Variants in TEDC1 observed in about 807,000 individuals in gnomAD.
The protein encoded by TEDC1 is tubulin epsilon and delta complex protein 1.
A neutral mutation model predicts 59.9 loss-of-function variants in TEDC1; 54 were observed. The ratio of observed to expected loss-of-function variants is 0.90; its 90% confidence interval spans 0.72 to 1.13. TEDC1 has a LOEUF of 1.13. Ranked by LOEUF, TEDC1 falls within the 50% of genes most tolerant of loss-of-function variation. The pLI, the probability that TEDC1 is intolerant of heterozygous loss-of-function variation, is 0.00. For missense variants in TEDC1, 734 were observed against 683.4 expected (o/e 1.07, Z -0.83); for synonymous variants, 353 against 298.1 (o/e 1.18, Z -1.90).
Position 105,491,674 on chromosome 14 carries a change from G to C in TEDC1, c.200G>C (p.Gly67Ala), listed in dbSNP as rs1358694723. 1.1e-5 allele frequency: 17 copies of C among 1,549,458 alleles called. No homozygotes were observed. Among genetic ancestry groups the C allele is most frequent in the Non-Finnish European group, 1.5e-5 (17 of 1,146,868 alleles). Reference protein sequence around the residue: ...LFRVLSPLPAGNALASLALEV... With the variant: ...LFRVLSPLPAANALASLALEV... The stretch of plus-strand genomic sequence containing the variant: ...CGTGTGCTCTCGCCACTCCCTGCGG[G>C]CAACGCCTTGGCATCGCTCGCCCTG... The change falls in exon 2 of 9, where the codon GGC becomes GCC. Residue 67 changes from glycine (G) to alanine (A), a missense_variant. Gly to Ala is a moderately conservative substitution (Grantham distance 60). Coordinates refer to ENST00000392523, the MANE Select transcript of TEDC1 (RefSeq NM_001367178.1).
At chr14:105,494,938 T>G (rs2084311279) in intron 5 of TEDC1, 1 of 152,320 alleles carries the variant, frequency 6.6e-6, no homozygotes, top group Non-Finnish European at 1.5e-5. Flanking sequence ...TGGCACAGTC[T>G]TGGCTCACTG....
chr14:105,490,948 GGGCGGACTCTGC>G, upstream of TEDC1: 10 of 1,306,224 alleles, frequency 7.7e-6, no homozygotes, highest in South Asian at 1.3e-4. Flanking sequence ...GAGCCTGCAA[GGGCGGACTCTGC>G]GGTGTTCTCC....
Position 105,492,103 on chromosome 14 carries a change from C to T in TEDC1, c.227-4C>T, listed in dbSNP as rs587729025. 8 of 1,594,342 alleles carry T rather than the reference C, an allele frequency of 5.0e-6. No individual in the cohort carries two copies. The highest frequency in any genetic ancestry group is 3.4e-5 in the South Asian group (3 of 88,982). ...CCCCCTAAGGTGGTGGTCTTCTGTC[C>T]TAGAGGTCCAAGCCCGCTTGGTGAA... On this transcript the variant is annotated splice_polypyrimidine_tract_variant and splice_region_variant and intron_variant, in intron 2 of 8. Coordinates refer to ENST00000392523, the MANE Select transcript of TEDC1 (RefSeq NM_001367178.1).
rs754779450 is a variant in TEDC1 at position 105,499,012 on chromosome 14, G to C, written c.*66G>C. The C allele has an allele frequency of 7.0e-5, 103 of 1,481,458 alleles. No homozygotes were observed. The highest frequency in any genetic ancestry group is 6.9e-5 in the Non-Finnish European group (77 of 1,109,962). 91.8% of individuals were successfully genotyped at this position (1,481,458 alleles called of 1,614,324 possible). ...CCCAGCCTGGCTGGGTCTTGGAGGAGCAGATTCCAAGGCCAGGTGGCCGCA... is the reference window on the plus strand; with the variant it reads ...CCCAGCCTGGCTGGGTCTTGGAGGACCAGATTCCAAGGCCAGGTGGCCGCA... On this transcript the variant is annotated 3_prime_UTR_variant, in exon 9 of 9. Coordinates refer to ENST00000392523, the MANE Select transcript of TEDC1 (RefSeq NM_001367178.1).
At chr14:105,498,126 G>T (rs1008283986) in intron 8 of TEDC1, 149 bp downstream of exon 8, 26 of 1,026,150 alleles carry the variant, frequency 2.5e-5, no homozygotes, top group Admixed American at 3.3e-5. Flanking sequence ...TGAGGGAGCG[G>T]GAGGGCACCT....
chr14:105,490,783 G>C, upstream of TEDC1: 1 of 545,048 alleles, frequency 1.8e-6, no homozygotes, highest in Non-Finnish European at 3.3e-6. Context: ...CGGCGCGATG[G>C]GGCGAGGCTC....
rs149971054 is a variant in TEDC1, at chr14:105,492,026, C to G, written c.227-81C>G. The G allele has an allele frequency of 1.9e-3, 2,682 of 1,401,518 alleles. 46 individuals are homozygous for G. The African/African-American group carries it at 0.034, about 18-fold the overall frequency. The allele number at this position is 1,401,518 out of a possible 1,614,324, so 86.8% of individuals were successfully genotyped here. On this transcript the variant is annotated intron_variant, in intron 2 of 8. Transcript: ENST00000392523. Reference sequence around the variant, plus strand: ...AGGCCTTGAGCTTCTGCTCAAGTGACCTGTGGGGGTCTCTGGAGGGATCCA... The same window carrying G: ...AGGCCTTGAGCTTCTGCTCAAGTGAGCTGTGGGGGTCTCTGGAGGGATCCA...
intron 6 of TEDC1, chr14:105,496,617 A>G (rs2084352753): frequency 1.2e-5 from 2 of 170,476 alleles, no homozygotes; most frequent in Admixed American, 1.1e-4. Flanking sequence ...ACTGGTACAG[A>G]TAGCCCATGA....
Position 105,498,658 on chromosome 14 carries a change from G to T in TEDC1, c.1200G>T (p.Arg400=). The change falls in exon 9 of 9, where the codon CGG becomes CGT. Residue 400 remains arginine (R), a synonymous_variant. Transcript: ENST00000392523. ...CGRGPEWSAA[R]RASREAVEKE... is the part of the protein sequence containing the mutation. Reference sequence around the variant, plus strand: ...GGGGGCCAGAGTGGAGTGCCGCGCGGCGGGCCTCTCGGGAGGCTGTGGAAA... The same window carrying T: ...GGGGGCCAGAGTGGAGTGCCGCGCGTCGGGCCTCTCGGGAGGCTGTGGAAA... 6.4e-7 allele frequency: 1 copy of T among 1,554,786 alleles called. No homozygotes were observed.
At chr14:105,494,095 G>T (rs2084286569) in intron 5 of TEDC1, 162 bp downstream of exon 5, 4 of 638,482 alleles carry the variant, frequency 6.3e-6, no homozygotes, top group Non-Finnish European at 1.1e-5. Flanking sequence ...CTGGGTGACA[G>T]ACAGCTTCTC....
Position 105,492,686 on chromosome 14 carries a change from G to A in TEDC1, c.537G>A (p.Trp179Ter). 3 of 1,544,666 alleles carry A rather than the reference G, an allele frequency of 1.9e-6. No homozygotes were observed. The highest frequency in any genetic ancestry group is 2.6e-6 in the Non-Finnish European group (3 of 1,146,906). Residue 179 changes from tryptophan to a stop codon, truncating the protein, a stop_gained, in exon 4 of 9, where the codon TGG (tryptophan) becomes TGA (stop). Transcript: ENST00000392523. LOFTEE classifies it high-confidence loss of function. The part of the protein sequence containing the change: ...QWLMGKLRFR[W>*]RQLVSSQQEQ... ...TGATGGGAAAGCTGCGGTTCCGGTG[G>A]CGCCAGCTGGTGTCCAGTCAGCAGG...
upstream of TEDC1, chr14:105,490,154 G>A (rs1243264928): frequency 1.4e-5 from 2 of 147,672 alleles, no homozygotes. Context: ...GAGAGGAGGG[G>A]CTTGCTGGGG....
In TEDC1 at chr14:105,492,024, G is replaced by A. The variant is rs587665066; in HGVS notation, c.227-83G>A. Reference sequence around the variant, plus strand: ...CTAGGCCTTGAGCTTCTGCTCAAGTGACCTGTGGGGGTCTCTGGAGGGATC... The same window carrying A: ...CTAGGCCTTGAGCTTCTGCTCAAGTAACCTGTGGGGGTCTCTGGAGGGATC... On this transcript the variant is annotated intron_variant, in intron 2 of 8. Coordinates refer to ENST00000392523, the MANE Select transcript of TEDC1 (RefSeq NM_001367178.1). The A allele has an allele frequency of 5.0e-6, 7 of 1,389,550 alleles. No individual in the cohort carries two copies. In the South Asian group the frequency reaches 6.2e-5, roughly 12 times the overall value. 86.1% of individuals were successfully genotyped at this position (1,389,550 alleles called of 1,614,324 possible). A position where few individuals can be genotyped will look rare whatever the true frequency, so the allele number is the denominator to read the frequency against.
intron 4 of TEDC1, 119 bp from the exon 5 acceptor site, chr14:105,493,716 C>T (rs1277391240): frequency 4.2e-6 from 3 of 708,908 alleles, no homozygotes; most frequent in African/African-American, 1.8e-5. Context: ...TTCTCTGAGC[C>T]CTCTTTCCTC....
Position 105,498,689 on chromosome 14 carries a change from C to A in TEDC1, c.1231C>A (p.Leu411Met). 1 of 1,553,602 alleles carries A rather than the reference C, an allele frequency of 6.4e-7. No homozygotes were observed. Among genetic ancestry groups the A allele is most frequent in the Non-Finnish European group, 8.7e-7 (1 of 1,149,000 alleles). Reference sequence around the variant, plus strand: ...CTCTCGGGAGGCTGTGGAAAAGGAGCTGGGAGCTCTACAGCAGTGCTGGGA... The same window carrying A: ...CTCTCGGGAGGCTGTGGAAAAGGAGATGGGAGCTCTACAGCAGTGCTGGGA... ...RASREAVEKE[L>M]GALQQCWERD... The change falls in exon 9 of 9, where the codon CTG becomes ATG. Residue 411 changes from leucine to methionine, a missense_variant. Transcript: ENST00000392523.
chr14:105,491,675 C>A lies in TEDC1; in HGVS notation c.201C>A (p.Gly67=). The A allele has an allele frequency of 6.5e-7, 1 of 1,549,518 alleles. No homozygotes were observed. The highest frequency in any genetic ancestry group is 8.7e-7 in the Non-Finnish European group (1 of 1,146,886). ...LFRVLSPLPA[G]NALASLALEV... The stretch of plus-strand genomic sequence containing the variant: ...GTGTGCTCTCGCCACTCCCTGCGGG[C>A]AACGCCTTGGCATCGCTCGCCCTGG... Residue 67 remains glycine, a synonymous_variant, in exon 2 of 9, where the codon GGC becomes GGA. Coordinates refer to ENST00000392523, the MANE Select transcript of TEDC1 (RefSeq NM_001367178.1).
At chr14:105,493,729 C>G (rs1369396476) in intron 4 of TEDC1, 106 bp from the exon 5 acceptor site, 7 of 765,854 alleles carry the variant, frequency 9.1e-6, no homozygotes, top group Admixed American at 2.1e-5. Context: ...CTTTCCTCAT[C>G]TGGGAGGTGG....
Position 105,491,541 on chromosome 14 carries a change from G to A in TEDC1, c.147+19G>A. On this transcript the variant is annotated intron_variant, in intron 1 of 8. Transcript: ENST00000392523. ...GGAGGCGGTGACGCTCTCGCGGAGG[G>A]CAGGCGGGCCGGGTGGGGTCCCGGG... The A allele has an allele frequency of 6.5e-7, 1 of 1,527,846 alleles. No homozygotes were observed. Among genetic ancestry groups the A allele is most frequent in the Non-Finnish European group, 8.8e-7 (1 of 1,135,902 alleles). 94.6% of individuals were successfully genotyped at this position (1,527,846 alleles called of 1,614,324 possible).
Position 105,499,126 on chromosome 14 carries a change from G to GCAGCACTGGGGA in TEDC1, c.*184_*195dup. ...TGGCCGGATCCCAGGCCTGTGGCTA[G>GCAGCACTGGGGA]CAGCACTGGGGACAGGAATGGCTGG... On this transcript the variant is annotated 3_prime_UTR_variant, in exon 9 of 9. Coordinates refer to ENST00000392523, the MANE Select transcript of TEDC1 (RefSeq NM_001367178.1). The GCAGCACTGGGGA allele has an allele frequency of 1.5e-6, 1 of 668,080 alleles. No individual in the cohort carries two copies. The highest frequency in any genetic ancestry group is 2.5e-6 in the Non-Finnish European group (1 of 399,020). The allele number at this position is 668,080 out of a possible 1,614,324, so 41.4% of individuals were successfully genotyped here.
Sources: gnomAD v4.1 joint callset for allele counts on GRCh38, gnomAD v4.1.1 for gene constraint, MANE v1.5 for transcripts, NCBI Gene and HGNC (gene_info 2026-07-23, HGNC 2026-07-21) for gene names.